The following KCNMA1 variants were observed in gnomAD, a reference collection of about 807,000 sequenced individuals.
KCNMA1 encodes potassium calcium-activated channel subfamily M alpha 1.
A neutral mutation model predicts 140.0 loss-of-function variants in KCNMA1; 29 were observed. The ratio of observed to expected loss-of-function variants is 0.21; its 90% confidence interval spans 0.15 to 0.28. KCNMA1 has a LOEUF of 0.28. Among genes scored for constraint, KCNMA1 ranks in the 10% least tolerant of loss-of-function variants. The probability of loss-of-function intolerance (pLI) is 1.00; values close to 1 mark genes in which losing one functional copy is unlikely to be tolerated. For missense variants in KCNMA1, 880 were observed against 1,602.2 expected (o/e 0.55, Z 7.70); for synonymous variants, 612 against 611.9 (o/e 1.00, Z 0.00).
rs59284219 is a variant in KCNMA1 at position 77,460,531 on chromosome 10, G to GCACACACACACACACA, written c.379-56524_379-56509dup. On this transcript the variant is annotated intron_variant, in intron 1 of 27. Coordinates refer to ENST00000286628, the MANE Select transcript of KCNMA1 (RefSeq NM_001161352.2). ...GATAAAGAAAATGTGGTACACACGT[G>GCACACACACACACACA]CACACACACACACACACACACACAC... is the stretch of plus-strand genomic sequence containing the variant. Among the ~76,000 whole-genome samples the GCACACACACACACACA allele has an allele frequency of 2.9e-3, 436 of 147,916 alleles. 1 individual carries two copies. The highest frequency in any genetic ancestry group is 0.01 in the African/African-American group (416 of 40,538).
At chr10:77,025,503 T>A (rs2093365933) in intron 16 of KCNMA1, 4 of 1,499,300 alleles carry the variant, frequency 2.7e-6, no homozygotes, top group Non-Finnish European at 2.8e-6. Flanking sequence ...AATTTGATAA[T>A]AAATCGACTG....
chr10:77,592,379 G>T (rs1314456178), intron 1 of KCNMA1, among the ~76,000 whole-genome samples: 1 of 152,226 alleles, frequency 6.6e-6, no homozygotes, highest in Non-Finnish European at 1.5e-5. Flanking sequence ...AGTGGGAAAA[G>T]TGATGATATT....
At chr10:77,123,024 A>T (rs1386121963) in intron 5 of KCNMA1, among the ~76,000 whole-genome samples, 1 of 150,558 alleles carries the variant, frequency 6.6e-6, no homozygotes, top group Non-Finnish European at 1.5e-5. Flanking sequence ...TAAAAAACAC[A>T]AAAAAATTAG....
At position 77,015,241 on chromosome 10, in the gene KCNMA1, A is replaced by AG. The variant is rs2091779447; in HGVS notation, c.2016-3199dup. Among the ~76,000 whole-genome samples the AG allele has an allele frequency of 2.0e-5, 3 of 152,120 alleles. No homozygotes were observed. In the South Asian group the frequency reaches 6.2e-4, roughly 32 times the overall value. On this transcript the variant is annotated intron_variant, in intron 17 of 27. Coordinates refer to ENST00000286628, the MANE Select transcript of KCNMA1 (RefSeq NM_001161352.2). ...AAGGAGTCAGCAGGAGACTAGGGTGAGGGGGGATGAGGTCACCACCTTGAC... is the reference window on the plus strand; with the variant it reads ...AAGGAGTCAGCAGGAGACTAGGGTGAGGGGGGGATGAGGTCACCACCTTGAC...
rs553095847 is a variant in KCNMA1 at position 77,579,478 on chromosome 10, A to G, written c.378+57787T>C. Reference sequence around the variant, plus strand: ...GATGGCTCTTTCCCAATAAAACTTTATTTATAGATATTTGAATCTGAATAT... The same window carrying G: ...GATGGCTCTTTCCCAATAAAACTTTGTTTATAGATATTTGAATCTGAATAT... On this transcript the variant is annotated intron_variant, in intron 1 of 27. Coordinates refer to ENST00000286628, the MANE Select transcript of KCNMA1 (RefSeq NM_001161352.2). Among the ~76,000 whole-genome samples, 3 of 152,360 alleles carry G rather than the reference A, an allele frequency of 2.0e-5. No individual in the cohort carries two copies. The South Asian group carries it at 6.2e-4, about 32-fold the overall frequency.
intron 1 of KCNMA1, among the ~76,000 whole-genome samples, chr10:77,528,337 AG>A (rs1603633096): frequency 6.6e-6 from 1 of 152,174 alleles, no homozygotes; most frequent in East Asian, 1.9e-4. Context: ...GGCCTGGCAC[AG>A]TGGTTCATGC....
chr10:77,230,041 C>T (rs1200783520), intron 3 of KCNMA1, among the ~76,000 whole-genome samples: 1 of 152,118 alleles, frequency 6.6e-6, no homozygotes, highest in South Asian at 2.1e-4. Context: ...AAACAATCTA[C>T]ATGTTCATTG....
At chr10:76,972,916 T>A (rs931086931) in intron 19 of KCNMA1, 2 of 152,362 alleles carry the variant, frequency 1.3e-5, no homozygotes, top group South Asian at 4.1e-4. Flanking sequence ...TCCTATCAAT[T>A]TCTGCATAAA....
intron 3 of KCNMA1, among the ~76,000 whole-genome samples, chr10:77,242,632 T>C (rs1310201135): frequency 6.6e-6 from 1 of 152,194 alleles, no homozygotes; most frequent in African/African-American, 2.4e-5. Flanking sequence ...CTGGACTTCC[T>C]GCCCCTTGTA....
intron 2 of KCNMA1, among the ~76,000 whole-genome samples, chr10:77,252,444 C>G: frequency 6.6e-6 from 1 of 152,044 alleles, no homozygotes; most frequent in Non-Finnish European, 1.5e-5. Context: ...TCCTCAGTGT[C>G]CATCTATTGA....
intron 16 of KCNMA1, among the ~76,000 whole-genome samples, chr10:77,021,656 G>A (rs540780178): frequency 6.6e-6 from 1 of 152,326 alleles, no homozygotes; most frequent in South Asian, 2.1e-4. Context: ...GGCTGATTGT[G>A]TAAGGAATCG....
intron 3 of KCNMA1, 22 bp downstream of exon 3, chr10:77,251,173 G>A (rs764425434): frequency 6.4e-7 from 1 of 1,570,864 alleles, no homozygotes; most frequent in Admixed American, 1.7e-5. Flanking sequence ...ACGAGGGCAA[G>A]AAAGTATATT....
In KCNMA1 at chr10:76,886,135, G is replaced by A; in HGVS notation, c.*1131C>T. 1.0e-6 allele frequency: 1 copy of A among 985,372 alleles called. No individual in the cohort carries two copies. The highest frequency in any genetic ancestry group is 1.2e-6 in the Non-Finnish European group (1 of 829,932). The allele number at this position is 985,372 out of a possible 1,614,324, so 61.0% of individuals were successfully genotyped here. A position where few individuals can be genotyped will look rare whatever the true frequency, so the allele number is the denominator to read the frequency against. Reference sequence around the variant, plus strand: ...TCCTACATTCTAATTTATTTAGCATGTCGGCTCCTAGAAAAGCATGATCTG... The same window carrying A: ...TCCTACATTCTAATTTATTTAGCATATCGGCTCCTAGAAAAGCATGATCTG... On this transcript the variant is annotated 3_prime_UTR_variant, in exon 28 of 28. Transcript: ENST00000286628.
intron 2 of KCNMA1, among the ~76,000 whole-genome samples, chr10:77,276,848 A>G (rs1294117589): frequency 6.6e-6 from 1 of 152,168 alleles, no homozygotes; most frequent in East Asian, 1.9e-4. Flanking sequence ...TGTGCCAGGC[A>G]CTATTCTAAA....
At chr10:77,090,721 A>T in intron 9 of KCNMA1, 1 of 594,276 alleles carries the variant, frequency 1.7e-6, no homozygotes, top group Non-Finnish European at 3.0e-6. Context: ...GAAAAGCCAT[A>T]TGGCTTCTCA....
intron 2 of KCNMA1, chr10:77,373,000 G>A (rs1484680946): frequency 6.6e-6 from 1 of 152,230 alleles, no homozygotes; most frequent in Non-Finnish European, 1.5e-5. Context: ...GCCAGATTAT[G>A]TGAAGTTACA....
intron 1 of KCNMA1, among the ~76,000 whole-genome samples, chr10:77,471,182 A>G (rs1398398694): frequency 2.8e-5 from 4 of 145,420 alleles, no homozygotes; most frequent in African/African-American, 7.6e-5. Flanking sequence ...ACAACACACA[A>G]TACACACCAC....
intron 5 of KCNMA1, 102 bp from the exon 6 acceptor site, chr10:77,121,150 G>A: frequency 1.3e-6 from 1 of 772,942 alleles, no homozygotes; most frequent in Non-Finnish European, 2.2e-6. Flanking sequence ...GAAGGGATGG[G>A]AAGTTCTTGC....
intron 5 of KCNMA1, among the ~76,000 whole-genome samples, chr10:77,158,425 C>G (rs2098514254): frequency 6.6e-6 from 1 of 152,236 alleles, no homozygotes; most frequent in Admixed American, 6.5e-5. Flanking sequence ...CAGGTGCAGC[C>G]TGGACCACAA....
Sources: gnomAD v4.1 joint callset for allele counts (sites outside exome capture counted in the v4.1 genomes callset) on GRCh38, gnomAD v4.1.1 for gene constraint, MANE v1.5 for transcripts, NCBI Gene and HGNC (gene_info 2026-07-23, HGNC 2026-07-21) for gene names.